Variants in NRXN3 observed in about 807,000 individuals in gnomAD.
NRXN3 encodes neurexin 3.
A neutral mutation model predicts 137.6 loss-of-function variants in NRXN3; 32 were observed. That is an observed-to-expected ratio of 0.23 (90% CI 0.18 to 0.31). The LOEUF is 0.31. Among genes scored for constraint, NRXN3 ranks in the 10% least tolerant of loss-of-function variants. The pLI, the probability that NRXN3 is intolerant of heterozygous loss-of-function variation, is 1.00. For synonymous variants in NRXN3, 798 were observed against 784.5 expected, an observed-to-expected ratio of 1.02 and a Z score of -0.29; for missense variants, 1,574 against 2,062.5, an observed-to-expected ratio of 0.76 and a Z score of 4.59.
intron 15 of NRXN3, 68 bp downstream of exon 15, chr14:78,988,209 A>G (rs1181206555): frequency 6.3e-7 from 1 of 1,581,790 alleles, no homozygotes; most frequent in East Asian, 2.2e-5. Flanking sequence ...ATCTTAAAGG[A>G]CAATATGTAA....
At chr14:78,776,156 A>G (rs771397686) in intron 8 of NRXN3, among the ~76,000 whole-genome samples, 6 of 152,250 alleles carry the variant, frequency 3.9e-5, no homozygotes, top group Non-Finnish European at 7.3e-5. Context: ...ATATGGCATT[A>G]TATGAACAGT....
intron 16 of NRXN3, among the ~76,000 whole-genome samples, chr14:79,589,767 T>C (rs2097788733): frequency 6.6e-6 from 1 of 152,274 alleles, no homozygotes; most frequent in South Asian, 2.1e-4. Flanking sequence ...GGTTAACAAC[T>C]CATTAAACAC....
chr14:78,351,708 A>T (rs1285856777), intron 4 of NRXN3, among the ~76,000 whole-genome samples: 2 of 145,594 alleles, frequency 1.4e-5, no homozygotes, highest in African/African-American at 5.1e-5. Flanking sequence ...CTGGATAACC[A>T]CTCCTTTCAC....
At chr14:78,310,281 T>C (rs919574243) in intron 4 of NRXN3, among the ~76,000 whole-genome samples, 18 of 126,596 alleles carry the variant, frequency 1.4e-4, no homozygotes, top group Non-Finnish European at 2.3e-4. Flanking sequence ...TTTTTTTTTT[T>C]TCCAGACAGT....
chr14:79,597,685 A>T (rs79897323), intron 16 of NRXN3, among the ~76,000 whole-genome samples: 11,372 of 152,228 alleles, frequency 0.075, 442 homozygotes, highest in Middle Eastern at 0.14. Flanking sequence ...GGGTCACTTC[A>T]TGCTTAGAGG....
chr14:79,726,460 CT>C (rs2098890200), intron 19 of NRXN3, among the ~76,000 whole-genome samples: 1 of 152,052 alleles, frequency 6.6e-6, no homozygotes, highest in African/African-American at 2.4e-5. Context: ...TTTTTGTACT[CT>C]GATCACAATA....
chr14:79,752,072 T>C (rs1319884816), intron 19 of NRXN3, among the ~76,000 whole-genome samples: 2 of 152,206 alleles, frequency 1.3e-5, no homozygotes, highest in South Asian at 4.1e-4. Context: ...GGTATCAGGA[T>C]GATGCTGGCC....
At chr14:78,613,712 A>G (rs772343712) in intron 4 of NRXN3, among the ~76,000 whole-genome samples, 2 of 151,692 alleles carry the variant, frequency 1.3e-5, no homozygotes, top group Non-Finnish European at 2.9e-5. Context: ...GGAAGTTGTC[A>G]AATCTTCATT....
chr14:79,093,947 G>C (rs548618853), intron 15 of NRXN3, among the ~76,000 whole-genome samples: 2 of 151,972 alleles, frequency 1.3e-5, no homozygotes, highest in East Asian at 3.9e-4. Flanking sequence ...GGGTTGCAGG[G>C]GTGAGATAGA....
chr14:79,577,964 T>G (rs2097680730), intron 16 of NRXN3, among the ~76,000 whole-genome samples: 1 of 152,172 alleles, frequency 6.6e-6, no homozygotes, highest in Admixed American at 6.5e-5. Context: ...TCCAGGTGCA[T>G]TCACAATCTG....
intron 9 of NRXN3, among the ~76,000 whole-genome samples, chr14:78,808,071 ACATT>A (rs1345257554): frequency 1.3e-5 from 2 of 152,102 alleles, no homozygotes; most frequent in African/African-American, 4.8e-5. Flanking sequence ...ATATACATAC[ACATT>A]CAGTAACAAG....
At chr14:79,381,988 T>TG (rs1265627782) in intron 15 of NRXN3, among the ~76,000 whole-genome samples, 1 of 152,224 alleles carries the variant, frequency 6.6e-6, no homozygotes, top group Non-Finnish European at 1.5e-5. Context: ...TCTGGTATTC[T>TG]GGTATTTATT....
intron 4 of NRXN3, among the ~76,000 whole-genome samples, chr14:78,611,032 C>G (rs2097296128): frequency 6.6e-6 from 1 of 152,180 alleles, no homozygotes; most frequent in Non-Finnish European, 1.5e-5. Context: ...CTCCCTGACA[C>G]CCCAACTCCA....
intron 4 of NRXN3, among the ~76,000 whole-genome samples, chr14:78,582,905 A>T (rs1036748971): frequency 6.6e-6 from 1 of 152,168 alleles, no homozygotes; most frequent in Non-Finnish European, 1.5e-5. Context: ...AACAACCATC[A>T]TATCTCTCAT....
At chr14:79,301,299 T>A (rs1268477684) in intron 15 of NRXN3, among the ~76,000 whole-genome samples, 1 of 152,026 alleles carries the variant, frequency 6.6e-6, no homozygotes, top group Non-Finnish European at 1.5e-5. Flanking sequence ...TTTTTGTTGC[T>A]GAAGATGAAA....
rs910608980 is a variant in NRXN3 at position 79,795,132 on chromosome 14, G to A, written c.4015-9980G>A. ...AATGAGTGTTGCTGTTTATGAACTG[G>A]AACGGGGAAAATTATTAGCCTCACT... On this transcript the variant is annotated intron_variant, in intron 19 of 20. Transcript: ENST00000335750. Among the ~76,000 whole-genome samples, 64 of 152,162 alleles carry A rather than the reference G, an allele frequency of 4.2e-4. 1 individual carries two copies. The highest frequency in any genetic ancestry group is 3.3e-4 in the Admixed American group (5 of 15,274).
chr14:78,393,650 C>A (rs2091064495), intron 4 of NRXN3, among the ~76,000 whole-genome samples: 1 of 151,990 alleles, frequency 6.6e-6, no homozygotes, highest in African/African-American at 2.4e-5. Context: ...TCTCCCAAAA[C>A]AATCTTGCTT....
intron 4 of NRXN3, among the ~76,000 whole-genome samples, chr14:78,347,355 G>T (rs1364079086): frequency 6.6e-6 from 1 of 152,184 alleles, no homozygotes; most frequent in African/African-American, 2.4e-5. Flanking sequence ...TTCTTCTTTT[G>T]ATAGTGTACA....
intron 1 of NRXN3, among the ~76,000 whole-genome samples, chr14:78,185,309 C>T (rs1055185887): frequency 2.6e-5 from 4 of 152,030 alleles, no homozygotes; most frequent in Admixed American, 2.0e-4. Flanking sequence ...AAGTCTTCCC[C>T]AAGGAGGTGG....
Sources: gnomAD v4.1 joint callset for allele counts (sites outside exome capture counted in the v4.1 genomes callset) on GRCh38, gnomAD v4.1.1 for gene constraint, MANE v1.5 for transcripts, NCBI Gene and HGNC (gene_info 2026-07-23, HGNC 2026-07-21) for gene names.